The following NR5A1 variants were observed in gnomAD, a reference collection of about 807,000 sequenced individuals.
NR5A1 encodes steroidogenic factor 1.
Under a neutral mutation model 42.7 loss-of-function variants are expected in NR5A1, and 6 were observed. The observed-to-expected ratio is 0.14, with a 90% CI of 0.08 to 0.28. NR5A1 has a LOEUF of 0.28. Ranked by LOEUF, NR5A1 falls within the 10% of genes least tolerant of loss-of-function variation. NR5A1 has a pLI of 1.00. For synonymous variants in NR5A1, 274 were observed against 277.5 expected, an observed-to-expected ratio of 0.99 and a Z score of 0.12; for missense variants, 442 against 626.4, an observed-to-expected ratio of 0.71 and a Z score of 3.14.
Position 124,501,794 on chromosome 9 carries a change from A to G in NR5A1, c.245-1079T>C, listed in dbSNP as rs566937303. ...CTCCAGGTGGCAGGGCATGTGGTCC[A>G]CCACTCTCAGAGCCACCTGGGGCTT... On this transcript the variant is annotated intron_variant, in intron 3 of 6. Transcript: ENST00000373588. This position sits in a 1 kb window ranked among gnomAD's most constrained non-coding sequence, Gnocchi z 4.1. Among the ~76,000 whole-genome samples, 1 of 152,320 alleles carries G rather than the reference A, an allele frequency of 6.6e-6. No individual in the cohort carries two copies. Among genetic ancestry groups the G allele is most frequent in the East Asian group, 1.9e-4 (1 of 5,178 alleles).
chr9:124,503,475 C>A lies in NR5A1; in HGVS notation c.-15-65G>T. Reference sequence around the variant, plus strand: ...CGGCAGCCTGGGGTCCCCGCGGCCGCCGCCCCAGCCGCTGTCGCCGGCCCG... The same window carrying A: ...CGGCAGCCTGGGGTCCCCGCGGCCGACGCCCCAGCCGCTGTCGCCGGCCCG... On this transcript the variant is annotated intron_variant, in intron 1 of 6. Coordinates refer to ENST00000373588, the MANE Select transcript of NR5A1 (RefSeq NM_004959.5). This position sits in a 1 kb window ranked among gnomAD's most constrained non-coding sequence, Gnocchi z 9.6. 1 of 1,331,472 alleles carries A rather than the reference C, an allele frequency of 7.5e-7. No individual in the cohort carries two copies. 82.5% of individuals were successfully genotyped at this position (1,331,472 alleles called of 1,614,324 possible).
intron 6 of NR5A1, among the ~76,000 whole-genome samples, chr9:124,486,209 C>T (rs1165624317): frequency 6.6e-6 from 1 of 152,138 alleles, no homozygotes; most frequent in Non-Finnish European, 1.5e-5. Flanking sequence ...CCCGACTGCC[C>T]CCAGAGGTCA....
In NR5A1 at chr9:124,503,980, C is replaced by G. The variant is rs1179318846; in HGVS notation, c.-15-570G>C. On this transcript the variant is annotated intron_variant, in intron 1 of 6. Coordinates refer to ENST00000373588, the MANE Select transcript of NR5A1 (RefSeq NM_004959.5). This position sits in a 1 kb window ranked among gnomAD's most constrained non-coding sequence, Gnocchi z 9.6. Reference sequence around the variant, plus strand: ...CTGAGACGCCCAGCTAGAGAGAACCCGGCGGGGACGAGACACAGGGAGGGA... The same window carrying G: ...CTGAGACGCCCAGCTAGAGAGAACCGGGCGGGGACGAGACACAGGGAGGGA... Among the ~76,000 whole-genome samples, 1 of 148,112 alleles carries G rather than the reference C, an allele frequency of 6.8e-6. No individual in the cohort carries two copies. The highest frequency in any genetic ancestry group is 2.5e-5 in the African/African-American group (1 of 39,290).
intron 1 of NR5A1, among the ~76,000 whole-genome samples, chr9:124,506,662 T>A (rs1832565249): frequency 6.6e-6 from 1 of 152,240 alleles, no homozygotes; most frequent in Non-Finnish European, 1.5e-5. Context: ...CAAGGGTTTC[T>A]ACTCTCACCG....
rs370937712 is a variant in NR5A1 at position 124,500,557 on chromosome 9, C to T, written c.403G>A (p.Ala135Thr). Reference protein sequence around the residue: ...PMGVPPPPPPAPDYVLPPSLH... With the variant: ...PMGVPPPPPPTPDYVLPPSLH... ...CTGGGAGGCAGCACGTAGTCCGGTG[C>T]GGGAGGGGGCGGCGGGGGCACCCCC... The change falls in exon 4 of 7, where the codon GCA becomes ACA. Residue 135 changes from alanine (A) to threonine (T), a missense_variant. Physicochemically the swap from Ala to Thr is moderately conservative, Grantham distance 58. This residue lies in a region of NR5A1 where 208 missense variants were observed against 203.8 expected (regional missense o/e 1.02). Coordinates refer to ENST00000373588, the MANE Select transcript of NR5A1 (RefSeq NM_004959.5). This position sits in a 1 kb window ranked among gnomAD's most constrained non-coding sequence, Gnocchi z 6.9. 36 of 1,610,504 alleles carry T rather than the reference C, an allele frequency of 2.2e-5. No homozygotes were observed. Among genetic ancestry groups the T allele is most frequent in the Non-Finnish European group, 2.8e-5 (33 of 1,179,758 alleles).
At chr9:124,492,001 C>T (rs749931889) in intron 5 of NR5A1, among the ~76,000 whole-genome samples, 8 of 152,116 alleles carry the variant, frequency 5.3e-5, no homozygotes, top group Non-Finnish European at 1.0e-4. Flanking sequence ...ACAGGGAGCC[C>T]CAAAGACACC....
rs147960482 is a variant in NR5A1 at position 124,497,290 on chromosome 9, A to C, written c.870+2800T>G. On this transcript the variant is annotated intron_variant, in intron 4 of 6. Transcript: ENST00000373588. The stretch of plus-strand genomic sequence containing the variant: ...AACTGAGGCCCGGAGGAGTGAAGTC[A>C]CTTGCCCAAAATCATACAGCATGTA... Among the ~76,000 whole-genome samples the C allele has an allele frequency of 5.3e-3, 812 of 152,338 alleles. 5 individuals carry two copies. Among genetic ancestry groups the C allele is most frequent in the African/African-American group, 0.018 (744 of 41,560 alleles).
intron 5 of NR5A1, among the ~76,000 whole-genome samples, chr9:124,491,671 T>C (rs1832311234): frequency 6.6e-6 from 1 of 151,646 alleles, no homozygotes; most frequent in African/African-American, 2.4e-5. Flanking sequence ...ACAGCTCAGC[T>C]CAGAGTCACA....
At position 124,503,989 on chromosome 9, in the gene NR5A1, C is replaced by A. The variant is rs966636053; in HGVS notation, c.-15-579G>T. Among the ~76,000 whole-genome samples the A allele has an allele frequency of 2.2e-5, 3 of 139,506 alleles. No homozygotes were observed. The East Asian group carries it at 6.2e-4, about 29-fold the overall frequency. The allele number at this position is 139,506 out of a possible 152,430, so 91.5% of individuals were successfully genotyped here. A position where few individuals can be genotyped will look rare whatever the true frequency, so the allele number is the denominator to read the frequency against. ...CCAGCTAGAGAGAACCCGGCGGGGA[C>A]GAGACACAGGGAGGGATGGAGAGAG... On this transcript the variant is annotated intron_variant, in intron 1 of 6. Transcript: ENST00000373588. This position sits in a 1 kb window ranked among gnomAD's most constrained non-coding sequence, Gnocchi z 9.6.
At chr9:124,505,861 G>A (rs1399069474) in intron 1 of NR5A1, among the ~76,000 whole-genome samples, 2 of 152,224 alleles carry the variant, frequency 1.3e-5, no homozygotes, top group African/African-American at 4.8e-5. Context: ...CTCTGGGCTA[G>A]GGACCATCCG....
chr9:124,484,351 G>T (rs1263406109), intron 6 of NR5A1, among the ~76,000 whole-genome samples: 1 of 152,226 alleles, frequency 6.6e-6, no homozygotes, highest in Non-Finnish European at 1.5e-5. Context: ...GCAGAAGTCA[G>T]GGAGCCCACA....
Position 124,503,033 on chromosome 9 carries a change from C to G in NR5A1, c.244+46G>C, listed in dbSNP as rs1352554920. On this transcript the variant is annotated intron_variant, in intron 3 of 6. Transcript: ENST00000373588. This position sits in a 1 kb window ranked among gnomAD's most constrained non-coding sequence, Gnocchi z 9.6. ...CCTCTCCCACCCCCACCCCCTACCC[C>G]CTCAGGCTGTGGGGGGTCAGGGGTC... The G allele has an allele frequency of 1.3e-6, 2 of 1,537,772 alleles. No homozygotes were observed. The highest frequency in any genetic ancestry group is 1.7e-6 in the Non-Finnish European group (2 of 1,146,886).
In NR5A1 at chr9:124,504,026, G is replaced by GAC. The variant is rs1298502410; in HGVS notation, c.-15-617_-15-616insGT. Among the ~76,000 whole-genome samples, 79 of 125,258 alleles carry GAC rather than the reference G, an allele frequency of 6.3e-4. 3 individuals carry two copies. Among genetic ancestry groups the GAC allele is most frequent in the African/African-American group, 3.1e-3 (72 of 23,526 alleles). The allele number at this position is 125,258 out of a possible 152,430, so 82.2% of individuals were successfully genotyped here. On this transcript the variant is annotated intron_variant, in intron 1 of 6. Transcript: ENST00000373588. The stretch of plus-strand genomic sequence containing the variant: ...AGGGATGGAGAGAGACAGGGAGACA[G>GAC]AGAGAGAGAGAGAGAGAGAGAGAGA...
intron 6 of NR5A1, among the ~76,000 whole-genome samples, chr9:124,488,937 C>G (rs773870544): frequency 6.6e-6 from 1 of 152,264 alleles, no homozygotes; most frequent in Non-Finnish European, 1.5e-5. Flanking sequence ...CCTCTCCCAC[C>G]TCTCAGGCCT....
chr9:124,506,405 C>T lies in NR5A1; in HGVS notation c.-16+844G>A, dbSNP rs1347582156. On this transcript the variant is annotated intron_variant, in intron 1 of 6. Transcript: ENST00000373588. ...CCCCTGAGAAACAAGAGCATCTGCC[C>T]GAGCTGGAGGTGGGGGTCACTGCCG... Among the ~76,000 whole-genome samples the T allele has an allele frequency of 3.3e-5, 5 of 152,274 alleles. No homozygotes were observed. The East Asian group carries it at 9.7e-4, about 29-fold the overall frequency.
chr9:124,502,517 C>CA (rs1832485849), intron 3 of NR5A1, among the ~76,000 whole-genome samples: 1 of 152,040 alleles, frequency 6.6e-6, no homozygotes, highest in South Asian at 2.1e-4. Context: ...TTTATAGATA[C>CA]AAGGTTTCTC....
chr9:124,482,537 G>A lies in NR5A1; in HGVS notation c.*221C>T. The stretch of plus-strand genomic sequence containing the variant: ...TTGGGGCACTCCAAGCAGCAGGCAA[G>A]TGCCAGTGGCCACTCCACCTCCGCC... On this transcript the variant is annotated 3_prime_UTR_variant, in exon 7 of 7. Transcript: ENST00000373588. 1 of 611,928 alleles carries A rather than the reference G, an allele frequency of 1.6e-6. No individual in the cohort carries two copies. The highest frequency in any genetic ancestry group is 2.9e-6 in the Non-Finnish European group (1 of 348,988). The allele number at this position is 611,928 out of a possible 1,614,324, so 37.9% of individuals were successfully genotyped here.
rs1832500519 is a variant in NR5A1, at chr9:124,503,499, C to T, written c.-15-89G>A. 6.4e-6 allele frequency: 7 copies of T among 1,089,706 alleles called. No individual in the cohort carries two copies. Among genetic ancestry groups the T allele is most frequent in the Non-Finnish European group, 6.5e-6 (5 of 772,066 alleles). The allele number at this position is 1,089,706 out of a possible 1,614,324, so 67.5% of individuals were successfully genotyped here. A position where few individuals can be genotyped will look rare whatever the true frequency, so the allele number is the denominator to read the frequency against. On this transcript the variant is annotated intron_variant, in intron 1 of 6. Coordinates refer to ENST00000373588, the MANE Select transcript of NR5A1 (RefSeq NM_004959.5). The surrounding 1 kb of genome is among the most constrained non-coding windows in gnomAD (Gnocchi z 9.6). ...GCCGCCCCAGCCGCTGTCGCCGGCC[C>T]GTCGCGTAATCCCCTCTCTGTGCCC...
intron 6 of NR5A1, among the ~76,000 whole-genome samples, chr9:124,487,431 A>T (rs934116272): frequency 7.2e-5 from 11 of 152,358 alleles, no homozygotes; most frequent in African/African-American, 2.4e-4. Flanking sequence ...AGGTCAATCC[A>T]TTAAGCTTCG....
Sources: allele counts gnomAD v4.1 joint callset (sites outside exome capture counted in the v4.1 genomes callset), GRCh38; gene constraint gnomAD v4.1.1; regional missense constraint gnomAD v4.1.1; non-coding constraint Gnocchi (gnomAD v3.1); transcripts MANE v1.5; gene names NCBI Gene and HGNC (gene_info 2026-07-23, HGNC 2026-07-21).